The following ADAM22 variants were observed in gnomAD, a reference collection of about 807,000 sequenced individuals.
The protein encoded by ADAM22 is ADAM metallopeptidase domain 22.
ADAM22 carries 65 observed loss-of-function variants against 144.6 expected under a neutral mutation model. That is an observed-to-expected ratio of 0.45 (90% CI 0.37 to 0.55). The LOEUF is 0.55. Among genes scored for constraint, ADAM22 ranks in the 20% least tolerant of loss-of-function variants. ADAM22 has a pLI of 0.00. For missense variants in ADAM22, 974 were observed against 1,184.9 expected, an observed-to-expected ratio of 0.82 and a Z score of 2.61; for synonymous variants, 391 against 412.6, an observed-to-expected ratio of 0.95 and a Z score of 0.63.
chr7:87,934,956 G>A (rs947454406), intron 1 of ADAM22, 70 bp from the exon 2 acceptor site: 1 of 1,598,622 alleles, frequency 6.3e-7, no homozygotes, highest in Non-Finnish European at 8.6e-7. Context: ...GCAGGATGGA[G>A]GAGTGAGGGT....
At chr7:88,059,017 A>G (rs1264237554) in intron 3 of ADAM22, among the ~76,000 whole-genome samples, 1 of 152,156 alleles carries the variant, frequency 6.6e-6, no homozygotes, top group Non-Finnish European at 1.5e-5. Context: ...TGATATACTG[A>G]AAACAGGAGG....
At chr7:87,934,662 T>G (rs1840747083) in intron 1 of ADAM22, 112 bp downstream of exon 1, 3 of 86,260 alleles carry the variant, frequency 3.5e-5, no homozygotes, top group African/African-American at 4.4e-4. Context: ...GCGGGGAGAT[T>G]TTTTTTTTTT....
chr7:88,045,912 G>GTGTGTGTA (rs1804561725), intron 3 of ADAM22, among the ~76,000 whole-genome samples: 1 of 151,468 alleles, frequency 6.6e-6, no homozygotes, highest in African/African-American at 2.4e-5. Flanking sequence ...GTGTGTGTGT[G>GTGTGTGTA]TGTGTGTGTG....
chr7:88,071,024 T>C (rs1260838789), intron 3 of ADAM22, among the ~76,000 whole-genome samples: 1 of 152,172 alleles, frequency 6.6e-6, no homozygotes, highest in African/African-American at 2.4e-5. Flanking sequence ...CACCAGCCTA[T>C]GACCATTCAA....
rs568610690 is a variant in ADAM22, at chr7:88,017,671, A to G, written c.323+39259A>G. ...GTACTCAGAAGTTTTATTTACTTCTATTCCTTCCACCTAGTTTCTACGTCC... is the reference window on the plus strand; with the variant it reads ...GTACTCAGAAGTTTTATTTACTTCTGTTCCTTCCACCTAGTTTCTACGTCC... On this transcript the variant is annotated intron_variant, in intron 3 of 31. Coordinates refer to ENST00000413139, the MANE Select transcript of ADAM22 (RefSeq NM_001324418.2). 3.3e-5 allele frequency among the ~76,000 whole-genome samples: 5 copies of G among 152,210 alleles called. No homozygotes were observed. The South Asian group carries it at 6.2e-4, about 19-fold the overall frequency.
At chr7:88,116,329 A>G (rs186486919) in intron 6 of ADAM22, among the ~76,000 whole-genome samples, 331 of 152,256 alleles carry the variant, frequency 2.2e-3, no homozygotes, top group African/African-American at 7.5e-3. Context: ...TACTTATACC[A>G]GGCATCCTGC....
intron 2 of ADAM22, among the ~76,000 whole-genome samples, chr7:87,972,997 A>G (rs1850855210): frequency 6.6e-6 from 1 of 152,238 alleles, no homozygotes; most frequent in Admixed American, 6.5e-5. Flanking sequence ...TCCCTAGAAG[A>G]AAACCTAGGC....
intron 5 of ADAM22, among the ~76,000 whole-genome samples, chr7:88,113,695 AATAAATAAATATATATATATATATATAT>A (rs1179162113): frequency 5.7e-5 from 3 of 52,266 alleles, no homozygotes; most frequent in African/African-American, 2.7e-4. Context: ...ATTATAAATA[AATAAATAAATATATATATATATATATAT>A]ATATATATAT....
At position 87,934,544 on chromosome 7, in the gene ADAM22, C is replaced by A. The variant is rs1329827070; in HGVS notation, c.79C>A (p.Gln27Lys). 1 of 1,607,714 alleles carries A rather than the reference C, an allele frequency of 6.2e-7. No homozygotes were observed. The highest frequency in any genetic ancestry group is 1.1e-5 in the South Asian group (1 of 90,542). The part of the protein sequence containing the change: ...LGTCPPARCG[Q>K]AGDASLMELE... ...GACCTGCCCTCCGGCGCGCTGCGGC[C>A]AGGCAGGTAAGTTAGCCGTCCTCTG... The change falls in exon 1 of 32, where the codon CAG becomes AAG. Residue 27 changes from glutamine (Q) to lysine (K), a missense_variant. Coordinates refer to ENST00000413139, the MANE Select transcript of ADAM22 (RefSeq NM_001324418.2).
intron 5 of ADAM22, among the ~76,000 whole-genome samples, chr7:88,111,668 TG>T (rs1826075915): frequency 1.3e-5 from 2 of 152,220 alleles, no homozygotes; most frequent in African/African-American, 4.8e-5. Context: ...TTAGCTCAAT[TG>T]GTCTGTGACG....
chr7:88,047,055 GGCTTGC>G (rs1358851806), intron 3 of ADAM22, among the ~76,000 whole-genome samples: 1 of 152,002 alleles, frequency 6.6e-6, no homozygotes, highest in Non-Finnish European at 1.5e-5. Flanking sequence ...TACCTCCTTG[GGCTTGC>G]CATTTGTCTT....
At chr7:88,158,366 T>C (rs1321329252) in intron 22 of ADAM22, among the ~76,000 whole-genome samples, 3 of 152,252 alleles carry the variant, frequency 2.0e-5, no homozygotes, top group East Asian at 3.9e-4. Flanking sequence ...TTAACAAAGA[T>C]ATTCAGGACC....
chr7:88,070,295 A>G (rs1171187628), intron 3 of ADAM22, among the ~76,000 whole-genome samples: 1 of 152,194 alleles, frequency 6.6e-6, no homozygotes, highest in Non-Finnish European at 1.5e-5. Context: ...AATGTCTATG[A>G]GAACCTACAA....
At chr7:88,038,362 C>T (rs1802027710) in intron 3 of ADAM22, among the ~76,000 whole-genome samples, 1 of 151,986 alleles carries the variant, frequency 6.6e-6, no homozygotes, top group African/African-American at 2.4e-5. Flanking sequence ...ACTACAAAAT[C>T]CCTGGATTTA....
At chr7:87,942,234 A>G (rs1435816281) in intron 2 of ADAM22, among the ~76,000 whole-genome samples, 1 of 152,216 alleles carries the variant, frequency 6.6e-6, no homozygotes, top group Admixed American at 6.5e-5. Flanking sequence ...TAGTGTCACT[A>G]TATATGTTAT....
chr7:88,001,632 T>C (rs1792581849), intron 3 of ADAM22, among the ~76,000 whole-genome samples: 1 of 152,026 alleles, frequency 6.6e-6, no homozygotes, highest in African/African-American at 2.4e-5. Flanking sequence ...GTGTGCTTAT[T>C]CCAAAATGAG....
chr7:88,123,112 G>T (rs775936054), intron 7 of ADAM22, among the ~76,000 whole-genome samples: 18 of 152,030 alleles, frequency 1.2e-4, no homozygotes, highest in Non-Finnish European at 2.5e-4. Flanking sequence ...ATTCTTAAAT[G>T]GGCCCCAATT....
chr7:88,114,928 T>C (rs891890446), intron 6 of ADAM22, among the ~76,000 whole-genome samples: 1 of 152,172 alleles, frequency 6.6e-6, no homozygotes, highest in African/African-American at 2.4e-5. Context: ...TTAAACTAAA[T>C]ATTGAGTAAG....
intron 2 of ADAM22, among the ~76,000 whole-genome samples, chr7:87,947,076 A>G (rs1207421397): frequency 1.3e-5 from 2 of 152,140 alleles, no homozygotes; most frequent in Non-Finnish European, 2.9e-5. Context: ...GAGAGGGGCA[A>G]GGGTTGAAAA....
Sources: gnomAD v4.1 joint callset for allele counts (sites outside exome capture counted in the v4.1 genomes callset) on GRCh38, gnomAD v4.1.1 for gene constraint, MANE v1.5 for transcripts, NCBI Gene and HGNC (gene_info 2026-07-23, HGNC 2026-07-21) for gene names.